Variants in BTBD3 observed in about 807,000 individuals in gnomAD.
The protein encoded by BTBD3 is BTB domain containing 3.
In BTBD3, 14 loss-of-function variants were observed where a neutral mutation model predicts 41.6. The ratio of observed to expected loss-of-function variants is 0.34; its 90% confidence interval spans 0.22 to 0.53. BTBD3 has a LOEUF of 0.53. Among genes scored for constraint, BTBD3 ranks in the 20% least tolerant of loss-of-function variants. BTBD3 has a pLI of 0.95. For missense variants in BTBD3, 426 were observed against 654.7 expected (o/e 0.65, Z 3.81); for synonymous variants, 249 against 233.7 (o/e 1.07, Z -0.60).
rs991231936 is a variant in BTBD3, at chr20:11,918,125, A to G, written c.-151A>G. 2 of 1,475,944 alleles carry G rather than the reference A, an allele frequency of 1.4e-6. No individual in the cohort carries two copies. The highest frequency in any genetic ancestry group is 2.3e-5 in the East Asian group (1 of 43,304). 91.4% of individuals were successfully genotyped at this position (1,475,944 alleles called of 1,614,324 possible). On this transcript the variant is annotated 5_prime_UTR_variant, in exon 1 of 4. Coordinates refer to ENST00000378226, the MANE Select transcript of BTBD3 (RefSeq NM_014962.4). ...AACTTAAAGCCAGTTTCTATTCAAC[A>G]TAGTGAAAAGGTCACCTTGCCTGGC... is the stretch of plus-strand genomic sequence containing the variant.
intron 3 of BTBD3, chr20:11,921,516 A>C (rs1382505924): frequency 6.6e-6 from 1 of 152,190 alleles, no homozygotes; most frequent in Non-Finnish European, 1.5e-5. Context: ...TAAGAGCTCG[A>C]AAGTGCTGAC....
chr20:11,911,612 G>C (rs1481882453), intron 1 of BTBD3, among the ~76,000 whole-genome samples: 1 of 152,170 alleles, frequency 6.6e-6, no homozygotes, highest in Non-Finnish European at 1.5e-5. Flanking sequence ...TAAGAAAGGT[G>C]GCGAATTTGT....
At chr20:11,901,044 G>C (rs1321015720) in intron 1 of BTBD3, among the ~76,000 whole-genome samples, 2 of 152,098 alleles carry the variant, frequency 1.3e-5, no homozygotes, top group Non-Finnish European at 2.9e-5. Context: ...TGTTGTTGGA[G>C]AATGATCTAT....
At chr20:11,902,941 G>A (rs1294333895) in intron 1 of BTBD3, among the ~76,000 whole-genome samples, 3 of 151,348 alleles carry the variant, frequency 2.0e-5, no homozygotes, top group Admixed American at 6.6e-5. Context: ...CAGTTCATCT[G>A]TTTTTTTTAA....
intron 1 of BTBD3, among the ~76,000 whole-genome samples, chr20:11,903,345 C>T (rs2056834848): frequency 1.3e-5 from 2 of 152,104 alleles, no homozygotes; most frequent in African/African-American, 4.8e-5. Flanking sequence ...AGATTGCTAC[C>T]CCCAATTCTC....
At chr20:11,910,888 T>C (rs1034317322) in intron 1 of BTBD3, among the ~76,000 whole-genome samples, 5 of 152,242 alleles carry the variant, frequency 3.3e-5, no homozygotes, top group African/African-American at 1.2e-4. Flanking sequence ...ATATCAATGG[T>C]TGTCATAGTA....
chr20:11,915,662 G>A (rs748641422), upstream of BTBD3, among the ~76,000 whole-genome samples: 9 of 152,178 alleles, frequency 5.9e-5, no homozygotes, highest in Admixed American at 2.6e-4. Flanking sequence ...AAAAGTAGCC[G>A]TCAGATAATT....
intron 1 of BTBD3, chr20:11,892,657 T>C (rs576749982): frequency 6.6e-6 from 1 of 152,356 alleles, no homozygotes; most frequent in South Asian, 2.1e-4. Flanking sequence ...TGATTTCTCA[T>C]TCTTTCCCAA....
intron 1 of BTBD3, among the ~76,000 whole-genome samples, chr20:11,902,607 A>G (rs1249367535): frequency 3.3e-5 from 5 of 152,246 alleles, no homozygotes; most frequent in Non-Finnish European, 7.3e-5. Context: ...ATCATATGGC[A>G]CTTTAGGCAG....
upstream of BTBD3, among the ~76,000 whole-genome samples, chr20:11,914,179 C>CT (rs1325064326): frequency 6.6e-6 from 1 of 152,078 alleles, no homozygotes; most frequent in Non-Finnish European, 1.5e-5. Context: ...GGCTGCTATC[C>CT]TTTTTTACCC....
intron 1 of BTBD3, among the ~76,000 whole-genome samples, chr20:11,908,074 AC>A (rs1455875724): frequency 6.6e-6 from 1 of 152,172 alleles, no homozygotes; most frequent in African/African-American, 2.4e-5. Flanking sequence ...TTTAAATTTT[AC>A]AAGAGTGTTA....
chr20:11,916,876 A>G (rs1464735026), upstream of BTBD3, among the ~76,000 whole-genome samples: 1 of 152,236 alleles, frequency 6.6e-6, no homozygotes, highest in East Asian at 1.9e-4. Flanking sequence ...AAGCATATGC[A>G]GAACCTATTG....
intron 1 of BTBD3, among the ~76,000 whole-genome samples, chr20:11,911,969 C>A (rs184326836): frequency 1.3e-5 from 2 of 152,256 alleles, no homozygotes; most frequent in East Asian, 1.9e-4. Context: ...TAAAAAGAAT[C>A]ATCGTTCCCT....
At chr20:11,905,916 C>G (rs1249530378) in intron 1 of BTBD3, among the ~76,000 whole-genome samples, 2 of 152,130 alleles carry the variant, frequency 1.3e-5, no homozygotes, top group African/African-American at 2.4e-5. Flanking sequence ...CAGTGCAAGT[C>G]AGAACTGCTT....
chr20:11,907,066 G>A (rs997550154), intron 1 of BTBD3, among the ~76,000 whole-genome samples: 3 of 152,158 alleles, frequency 2.0e-5, no homozygotes, highest in Non-Finnish European at 4.4e-5. Flanking sequence ...GCCAGGCCAT[G>A]AGTTGAGGCC....
At chr20:11,891,541 G>A (rs909579653) in intron 1 of BTBD3, 1 of 152,256 alleles carries the variant, frequency 6.6e-6, no homozygotes, top group Non-Finnish European at 1.5e-5. Flanking sequence ...GCGAGTGGCG[G>A]CGGGCGATGG....
chr20:11,891,082 G>A (rs1157827730), intron 1 of BTBD3: 1 of 637,750 alleles, frequency 1.6e-6, no homozygotes, highest in Non-Finnish European at 1.9e-6. Context: ...AGGCCGGGCT[G>A]GTGGCCGCAG....
chr20:11,921,275 A>G (rs2056967953), intron 3 of BTBD3, among the ~76,000 whole-genome samples: 1 of 152,242 alleles, frequency 6.6e-6, no homozygotes, highest in Non-Finnish European at 1.5e-5. Context: ...TTGATGAATC[A>G]TTTGACAAGT....
At chr20:11,914,977 A>C (rs1600241589), upstream of BTBD3, among the ~76,000 whole-genome samples, 1 of 152,140 alleles carries the variant, frequency 6.6e-6, no homozygotes, top group South Asian at 2.1e-4. Flanking sequence ...TAGCTGAGGA[A>C]AACTGAGGCC....
Sources: gnomAD v4.1 joint callset for allele counts (sites outside exome capture counted in the v4.1 genomes callset) on GRCh38, gnomAD v4.1.1 for gene constraint, MANE v1.5 for transcripts, NCBI Gene and HGNC (gene_info 2026-07-23, HGNC 2026-07-21) for gene names.